Variants in BACH2 observed in about 807,000 individuals in gnomAD.
BACH2 encodes transcription regulator protein BACH2.
A neutral mutation model predicts 61.8 loss-of-function variants in BACH2; 5 were observed. That is an observed-to-expected ratio of 0.08 (90% CI 0.04 to 0.17). The LOEUF is 0.17. Ranked by LOEUF, BACH2 falls within the 10% of genes least tolerant of loss-of-function variation. BACH2 has a pLI of 1.00. For missense variants in BACH2, 824 were observed against 1,091.1 expected (o/e 0.76, Z 3.45); for synonymous variants, 446 against 440.1 (o/e 1.01, Z -0.17).
chr6:90,295,466 G>A (rs1772315267), intron 1 of BACH2, among the ~76,000 whole-genome samples: 1 of 152,164 alleles, frequency 6.6e-6, no homozygotes, highest in African/African-American at 2.4e-5. Flanking sequence ...CCCCTCGTGG[G>A]CACCTAGGGT....
intron 2 of BACH2, among the ~76,000 whole-genome samples, chr6:90,256,823 T>G (rs1178057857): frequency 6.6e-6 from 1 of 152,122 alleles, no homozygotes; most frequent in Admixed American, 6.5e-5. Flanking sequence ...TACTGCACAT[T>G]AGATCTCTAT....
At chr6:90,117,409 C>T (rs922971019) in intron 4 of BACH2, among the ~76,000 whole-genome samples, 3 of 152,038 alleles carry the variant, frequency 2.0e-5, no homozygotes, top group Admixed American at 2.0e-4. Context: ...AGCACTTCTC[C>T]TCAGAACCTT....
chr6:89,982,327 G>A (rs551679502), intron 6 of BACH2, among the ~76,000 whole-genome samples: 111 of 152,200 alleles, frequency 7.3e-4, no homozygotes, highest in African/African-American at 2.7e-3. Context: ...GCACGTGGGG[G>A]TGGGGTAGAG....
At chr6:90,004,489 A>G (rs935247250) in intron 6 of BACH2, among the ~76,000 whole-genome samples, 1 of 152,216 alleles carries the variant, frequency 6.6e-6, no homozygotes, top group Non-Finnish European at 1.5e-5. Flanking sequence ...AAAGGTGGTG[A>G]GACCTTGGCA....
At position 90,089,094 on chromosome 6, in the gene BACH2, G is replaced by A. The variant is rs1218943716; in HGVS notation, c.-146C>T. On this transcript the variant is annotated 5_prime_UTR_variant, in exon 5 of 9. Coordinates refer to ENST00000257749, the MANE Select transcript of BACH2 (RefSeq NM_021813.4). Reference sequence around the variant, plus strand: ...GTTTTGTGGGGCAACCTTGTGACAGGTCAGTGAGTGTCCACCTAATTGGGA... The same window carrying A: ...GTTTTGTGGGGCAACCTTGTGACAGATCAGTGAGTGTCCACCTAATTGGGA... 6.6e-6 allele frequency: 1 copy of A among 152,278 alleles called. No homozygotes were observed. Among genetic ancestry groups the A allele is most frequent in the Admixed American group, 6.6e-5 (1 of 15,266 alleles). The allele number at this position is 152,278 out of a possible 1,614,324, so 9.4% of individuals were successfully genotyped here. A position where few individuals can be genotyped will look rare whatever the true frequency, so the allele number is the denominator to read the frequency against.
intron 6 of BACH2, among the ~76,000 whole-genome samples, chr6:89,991,217 A>G (rs185077262): frequency 1.0e-3 from 157 of 152,358 alleles, no homozygotes; most frequent in African/African-American, 3.7e-3. Context: ...TACTTCTTCA[A>G]TGAATGGAGA....
intron 1 of BACH2, among the ~76,000 whole-genome samples, chr6:90,295,798 T>C (rs1772340385): frequency 6.6e-6 from 1 of 152,096 alleles, no homozygotes; most frequent in Admixed American, 6.5e-5. Flanking sequence ...ACCCGATCTT[T>C]CGCTAGGAGA....
chr6:89,951,164 G>A lies in BACH2; in HGVS notation c.942C>T (p.Pro314=), dbSNP rs752339931. The A allele has an allele frequency of 1.2e-6, 2 of 1,613,538 alleles. No homozygotes were observed. The highest frequency in any genetic ancestry group is 1.7e-5 in the Admixed American group (1 of 60,008). ...AGDVEMDRKQ[P]SPAPTPTAPA... is the part of the protein sequence containing the mutation. ...GGGCCGTGGGGGTAGGGGCAGGGCTGGGCTGTTTCCGGTCCATCTCGACAT... is the reference window on the plus strand; with the variant it reads ...GGGCCGTGGGGGTAGGGGCAGGGCTAGGCTGTTTCCGGTCCATCTCGACAT... The change falls in exon 7 of 9, where the codon CCC becomes CCT. Residue 314 remains proline, a synonymous_variant. Transcript: ENST00000257749. The surrounding 1 kb of genome is among the most constrained non-coding windows in gnomAD (Gnocchi z 6.4).
intron 4 of BACH2, among the ~76,000 whole-genome samples, chr6:90,110,067 C>G (rs1229748524): frequency 6.6e-6 from 1 of 152,198 alleles, no homozygotes; most frequent in Non-Finnish European, 1.5e-5. Flanking sequence ...GCAAATCTCT[C>G]TAGTATCTGG....
At chr6:90,278,922 G>A (rs959711095) in intron 1 of BACH2, among the ~76,000 whole-genome samples, 1 of 151,962 alleles carries the variant, frequency 6.6e-6, no homozygotes, top group African/African-American at 2.4e-5. Flanking sequence ...CAGGCCAAAT[G>A]TATCTTAATA....
At chr6:90,275,479 A>T (rs58521088) in intron 1 of BACH2, among the ~76,000 whole-genome samples, 41,356 of 152,192 alleles carry the variant, frequency 0.27, 6,105 homozygotes, top group Non-Finnish European at 0.34. Context: ...TAGAATTTTT[A>T]AATAAATGTA....
chr6:89,964,067 GAGT>G (rs1774907610), intron 6 of BACH2, among the ~76,000 whole-genome samples: 1 of 152,140 alleles, frequency 6.6e-6, no homozygotes, highest in South Asian at 2.1e-4. Context: ...GGGGTGGGAG[GAGT>G]GGGGAGGGAT....
At chr6:90,281,248 T>C (rs892333167) in intron 1 of BACH2, among the ~76,000 whole-genome samples, 6 of 152,180 alleles carry the variant, frequency 3.9e-5, no homozygotes, top group African/African-American at 1.4e-4. Context: ...AAGCAAGTGT[T>C]CCCATGTGCA....
At chr6:90,017,427 G>A (rs778512639) in intron 5 of BACH2, among the ~76,000 whole-genome samples, 8 of 151,994 alleles carry the variant, frequency 5.3e-5, no homozygotes, top group Non-Finnish European at 1.0e-4. Context: ...TCACCATGTT[G>A]GCCAAGCTGG....
chr6:89,992,638 G>A (rs1776639843), intron 6 of BACH2, among the ~76,000 whole-genome samples: 1 of 152,000 alleles, frequency 6.6e-6, no homozygotes, highest in Non-Finnish European at 1.5e-5. Flanking sequence ...GCAAAACTCT[G>A]TCACACAAAA....
At position 90,014,436 on chromosome 6, in the gene BACH2, GTGTGTATATA is replaced by G. The variant is rs1173187806; in HGVS notation, c.-12-5590_-12-5581del. ...GGCATAAAATTGTGTGTGTGTGTGT[GTGTGTATATA>G]TATATATATATATATATATATATTT... On this transcript the variant is annotated intron_variant, in intron 5 of 8. Coordinates refer to ENST00000257749, the MANE Select transcript of BACH2 (RefSeq NM_021813.4). Among the ~76,000 whole-genome samples the G allele has an allele frequency of 5.0e-4, 33 of 65,958 alleles. No homozygotes were observed. In the East Asian group the frequency reaches 0.011, roughly 23 times the overall value. 43.3% of individuals were successfully genotyped at this position (65,958 alleles called of 152,430 possible). A position where few individuals can be genotyped will look rare whatever the true frequency, so the allele number is the denominator to read the frequency against.
intron 3 of BACH2, among the ~76,000 whole-genome samples, chr6:90,237,960 A>C (rs1004744698): frequency 6.6e-6 from 1 of 152,260 alleles, no homozygotes; most frequent in Admixed American, 6.5e-5. Flanking sequence ...TCATTCTAGA[A>C]ATCAATGTGT....
At chr6:90,292,127 T>A (rs1352177003) in intron 1 of BACH2, among the ~76,000 whole-genome samples, 1 of 152,238 alleles carries the variant, frequency 6.6e-6, no homozygotes, top group Non-Finnish European at 1.5e-5. Context: ...GATTCAGGAC[T>A]GGACTGTGTA....
intron 6 of BACH2, among the ~76,000 whole-genome samples, chr6:89,989,219 T>C (rs1474353691): frequency 6.6e-6 from 1 of 152,220 alleles, no homozygotes. Context: ...GTGTTAAATA[T>C]ATTCACACTA....
Sources: gnomAD v4.1 joint callset for allele counts (sites outside exome capture counted in the v4.1 genomes callset) on GRCh38, gnomAD v4.1.1 for gene constraint, Gnocchi (gnomAD v3.1) non-coding constraint, MANE v1.5 for transcripts, NCBI Gene and HGNC (gene_info 2026-07-23, HGNC 2026-07-21) for gene names.